Variants in RBMS3 observed in about 807,000 individuals in gnomAD.
RBMS3 encodes RNA binding motif single stranded interacting protein 3.
A neutral mutation model predicts 66.8 loss-of-function variants in RBMS3; 27 were observed. The observed-to-expected ratio is 0.40, with a 90% CI of 0.30 to 0.56. RBMS3 has a LOEUF of 0.56. Ranked by LOEUF, RBMS3 falls within the 20% of genes least tolerant of loss-of-function variation. The pLI is 0.40. For missense variants in RBMS3, 513 were observed against 549.5 expected, an observed-to-expected ratio of 0.93 and a Z score of 0.66; for synonymous variants, 188 against 183.0, an observed-to-expected ratio of 1.03 and a Z score of -0.22.
chr3:29,790,617 T>TC (rs931034609), intron 6 of RBMS3, among the ~76,000 whole-genome samples: 2 of 152,130 alleles, frequency 1.3e-5, no homozygotes, highest in African/African-American at 4.8e-5. Context: ...CAGCCAATAC[T>TC]CCCTCCACCT....
chr3:29,791,563 G>C (rs540523096), intron 6 of RBMS3, among the ~76,000 whole-genome samples: 2 of 152,222 alleles, frequency 1.3e-5, no homozygotes, highest in South Asian at 4.1e-4. Context: ...ACTCGGACCA[G>C]TCTATAAGGA....
intron 1 of RBMS3, among the ~76,000 whole-genome samples, chr3:29,372,766 G>A (rs895129849): frequency 6.6e-6 from 1 of 151,510 alleles, no homozygotes; most frequent in African/African-American, 2.4e-5. Flanking sequence ...CCTAAAATTA[G>A]CATTGCATAA....
chr3:29,681,015 CT>C (rs2051462603), intron 4 of RBMS3, among the ~76,000 whole-genome samples: 1 of 152,196 alleles, frequency 6.6e-6, no homozygotes, highest in Admixed American at 6.5e-5. Context: ...TGCATACATA[CT>C]GCTAGACCTC....
At chr3:29,506,792 G>C (rs1201597677) in intron 3 of RBMS3, among the ~76,000 whole-genome samples, 3 of 151,728 alleles carry the variant, frequency 2.0e-5, no homozygotes, top group Non-Finnish European at 4.4e-5. Flanking sequence ...TCATGGTTTA[G>C]TCTTGGTTTT....
At chr3:29,530,506 G>C (rs560360059) in intron 3 of RBMS3, among the ~76,000 whole-genome samples, 1 of 152,192 alleles carries the variant, frequency 6.6e-6, no homozygotes, top group African/African-American at 2.4e-5. Context: ...TTGATAGCAC[G>C]TATGTAAAAT....
intron 1 of RBMS3, among the ~76,000 whole-genome samples, chr3:29,330,975 T>C (rs2035617761): frequency 6.6e-6 from 1 of 152,142 alleles, no homozygotes; most frequent in African/African-American, 2.4e-5. Context: ...CATGCTCTAA[T>C]TGTATTTTTA....
At chr3:29,801,172 T>C (rs1222534354) in intron 6 of RBMS3, among the ~76,000 whole-genome samples, 1 of 152,146 alleles carries the variant, frequency 6.6e-6, no homozygotes, top group Non-Finnish European at 1.5e-5. Context: ...ATGTTTCTTA[T>C]GTTGACACAG....
chr3:29,436,085 A>G (rs891489536), intron 2 of RBMS3, among the ~76,000 whole-genome samples: 2 of 152,080 alleles, frequency 1.3e-5, no homozygotes, highest in African/African-American at 4.8e-5. Flanking sequence ...TTAGCTGTGT[A>G]TTTTTAAATT....
At chr3:29,504,958 AC>A (rs1456374556) in intron 3 of RBMS3, among the ~76,000 whole-genome samples, 1 of 151,838 alleles carries the variant, frequency 6.6e-6, no homozygotes, top group Non-Finnish European at 1.5e-5. Context: ...ATATATGTTA[AC>A]CCCTTATTAG....
intron 5 of RBMS3, 38 bp from the exon 6 acceptor site, chr3:29,762,872 C>A: frequency 1.5e-6 from 2 of 1,326,792 alleles, no homozygotes; most frequent in Non-Finnish European, 2.1e-6. Flanking sequence ...TTTTTCTTGA[C>A]AACCATATAT....
intron 2 of RBMS3, among the ~76,000 whole-genome samples, chr3:29,473,609 C>T (rs1559390508): frequency 1.3e-5 from 2 of 152,212 alleles, no homozygotes; most frequent in Non-Finnish European, 1.5e-5. Context: ...GGAGGGGAGG[C>T]TCAGGCATGG....
At chr3:29,468,523 C>T (rs1193069258) in intron 2 of RBMS3, among the ~76,000 whole-genome samples, 2 of 152,052 alleles carry the variant, frequency 1.3e-5, no homozygotes, top group African/African-American at 4.8e-5. Flanking sequence ...TGGGGCTTTC[C>T]AGTACAGAAA....
chr3:29,575,511 A>C (rs2047090301), intron 3 of RBMS3, among the ~76,000 whole-genome samples: 1 of 151,970 alleles, frequency 6.6e-6, no homozygotes, highest in South Asian at 2.1e-4. Context: ...GGTGTTCTAT[A>C]ACTTTCTTGT....
At chr3:29,635,143 T>C (rs1240241989) in intron 4 of RBMS3, among the ~76,000 whole-genome samples, 1 of 151,928 alleles carries the variant, frequency 6.6e-6, no homozygotes, top group African/African-American at 2.4e-5. Context: ...TTTATGGCTT[T>C]ATATATTATA....
chr3:29,466,258 T>A (rs2042538084), intron 2 of RBMS3, among the ~76,000 whole-genome samples: 1 of 151,960 alleles, frequency 6.6e-6, no homozygotes, highest in Admixed American at 6.6e-5. Context: ...GCAGCTGAAT[T>A]ATGACAACTG....
chr3:29,666,564 C>G (rs193139677), intron 4 of RBMS3, among the ~76,000 whole-genome samples: 94 of 152,188 alleles, frequency 6.2e-4, no homozygotes, highest in Admixed American at 1.8e-3. Flanking sequence ...AATGAGAAAG[C>G]TAACTCCTTT....
At chr3:29,803,670 C>T (rs1040448366) in intron 6 of RBMS3, among the ~76,000 whole-genome samples, 1 of 151,710 alleles carries the variant, frequency 6.6e-6, no homozygotes, top group Admixed American at 6.6e-5. Context: ...TGTAATATAA[C>T]ATTAGATATG....
At chr3:29,477,772 T>C (rs2043000193) in intron 2 of RBMS3, among the ~76,000 whole-genome samples, 1 of 152,114 alleles carries the variant, frequency 6.6e-6, no homozygotes, top group African/African-American at 2.4e-5. Flanking sequence ...TTTCTTTTTC[T>C]TTTTCTTTTT....
At chr3:29,858,040 A>G (rs994056599) in intron 6 of RBMS3, among the ~76,000 whole-genome samples, 2 of 152,200 alleles carry the variant, frequency 1.3e-5, no homozygotes, top group Non-Finnish European at 2.9e-5. Context: ...CAAAACTACC[A>G]TCTTTGAAAT....
Sources: gnomAD v4.1 joint callset for allele counts (sites outside exome capture counted in the v4.1 genomes callset) on GRCh38, gnomAD v4.1.1 for gene constraint, MANE v1.5 for transcripts, NCBI Gene and HGNC (gene_info 2026-07-23, HGNC 2026-07-21) for gene names.